Variants in MCTP1 observed in about 807,000 individuals in gnomAD.
MCTP1 encodes multiple C2 and transmembrane domain containing 1.
A neutral mutation model predicts 120.6 loss-of-function variants in MCTP1; 69 were observed. That is an observed-to-expected ratio of 0.57 (90% CI 0.47 to 0.70). The LOEUF is 0.70. MCTP1 is among the 30% of genes least tolerant of loss of function. MCTP1 has a pLI of 0.00. For missense variants in MCTP1, 1,203 were observed against 1,248.8 expected (o/e 0.96, Z 0.55); for synonymous variants, 529 against 493.1 (o/e 1.07, Z -0.96).
At chr5:94,824,587 CT>C (rs1215095465) in intron 17 of MCTP1, among the ~76,000 whole-genome samples, 1 of 152,030 alleles carries the variant, frequency 6.6e-6, no homozygotes, top group Non-Finnish European at 1.5e-5. Context: ...TTTTCTATTG[CT>C]TGGAATAGTT....
At chr5:94,971,560 TA>T (rs1270541526) in intron 2 of MCTP1, among the ~76,000 whole-genome samples, 1 of 152,214 alleles carries the variant, frequency 6.6e-6, no homozygotes, top group African/African-American at 2.4e-5. Flanking sequence ...GATGCTTCTA[TA>T]ATCTGTTTAT....
rs76219618 is a variant in MCTP1, at chr5:95,053,107, C to T, written c.721-35623G>A. The stretch of plus-strand genomic sequence containing the variant: ...ACAAAATGATACACTGGTAAATGTT[C>T]CATATTTTTACATGAAAATCAAGGA... On this transcript the variant is annotated intron_variant, in intron 1 of 22. Transcript: ENST00000515393. Among the ~76,000 whole-genome samples, 878 of 152,216 alleles carry T rather than the reference C, an allele frequency of 5.8e-3. 11 individuals are homozygous for T. Among genetic ancestry groups the T allele is most frequent in the African/African-American group, 0.021 (855 of 41,520 alleles).
chr5:95,204,030 G>C (rs1406619429), intron 1 of MCTP1, among the ~76,000 whole-genome samples: 1 of 152,130 alleles, frequency 6.6e-6, no homozygotes, highest in African/African-American at 2.4e-5. Context: ...TAAATTCACT[G>C]AGTTTTTGTG....
chr5:94,901,949 G>A (rs530936193), intron 10 of MCTP1, among the ~76,000 whole-genome samples: 1 of 152,256 alleles, frequency 6.6e-6, no homozygotes, highest in South Asian at 2.1e-4. Context: ...CATGAACACA[G>A]GTGGCTCATA....
rs1398923284 is a variant in MCTP1, at chr5:95,098,702, T to G, written c.721-81218A>C. On this transcript the variant is annotated intron_variant, in intron 1 of 22. Transcript: ENST00000515393. ...GTGAAAATGGCCATACTGCCCAAGGTAATTTATAGATTCAATGCCATCCCC... is the reference window on the plus strand; with the variant it reads ...GTGAAAATGGCCATACTGCCCAAGGGAATTTATAGATTCAATGCCATCCCC... 3.3e-5 allele frequency among the ~76,000 whole-genome samples: 5 copies of G among 151,808 alleles called. No homozygotes were observed. In the South Asian group the frequency reaches 8.3e-4, roughly 25 times the overall value.
In MCTP1 at chr5:94,788,070, G is replaced by A. The variant is rs191366728; in HGVS notation, c.2557-8907C>T. On this transcript the variant is annotated intron_variant, in intron 18 of 22. Coordinates refer to ENST00000515393, the MANE Select transcript of MCTP1 (RefSeq NM_024717.7). ...CAGCGGTAACTCTTATCTTAAAGGT[G>A]TTTTTGCTGTTGCCTATGGGAGTAT... Among the ~76,000 whole-genome samples the A allele has an allele frequency of 3.3e-5, 5 of 152,306 alleles. No individual in the cohort carries two copies. The East Asian group carries it at 9.6e-4, about 29-fold the overall frequency.
intron 10 of MCTP1, among the ~76,000 whole-genome samples, chr5:94,904,030 C>T (rs1806172906): frequency 6.6e-6 from 1 of 152,186 alleles, no homozygotes; most frequent in Non-Finnish European, 1.5e-5. Flanking sequence ...TCCGTCTTGC[C>T]TGCCAAAATG....
At chr5:94,811,866 C>T (rs531778202) in intron 17 of MCTP1, among the ~76,000 whole-genome samples, 2 of 152,234 alleles carry the variant, frequency 1.3e-5, no homozygotes, top group Admixed American at 6.5e-5. Flanking sequence ...TAAAAGAAGG[C>T]CATTTCATTT....
chr5:94,994,995 C>T (rs1358217664), intron 2 of MCTP1, among the ~76,000 whole-genome samples: 1 of 152,204 alleles, frequency 6.6e-6, no homozygotes, highest in African/African-American at 2.4e-5. Context: ...GCACTATCGG[C>T]TTCCTACTTT....
chr5:95,101,525 G>T (rs1242762047), intron 1 of MCTP1, among the ~76,000 whole-genome samples: 2 of 152,226 alleles, frequency 1.3e-5, no homozygotes, highest in African/African-American at 4.8e-5. Flanking sequence ...ACCAGAACCA[G>T]AAGTGTGAGT....
intron 1 of MCTP1, among the ~76,000 whole-genome samples, chr5:95,160,314 G>T (rs1745579475): frequency 6.6e-6 from 1 of 152,308 alleles, no homozygotes; most frequent in Admixed American, 6.5e-5. Flanking sequence ...GAGTAAAGTT[G>T]ACTTGTCCAG....
chr5:94,810,783 T>C (rs913081202), intron 17 of MCTP1, among the ~76,000 whole-genome samples: 1 of 152,216 alleles, frequency 6.6e-6, no homozygotes. Flanking sequence ...ATCACGACTA[T>C]CTTCCCTGGG....
chr5:95,027,499 A>G (rs1199464518), intron 1 of MCTP1, among the ~76,000 whole-genome samples: 1 of 152,224 alleles, frequency 6.6e-6, no homozygotes, highest in Non-Finnish European at 1.5e-5. Flanking sequence ...AGAGGCCAGA[A>G]GGCCACGTGT....
intron 1 of MCTP1, among the ~76,000 whole-genome samples, chr5:95,088,281 C>T (rs1233188002): frequency 6.6e-6 from 1 of 152,194 alleles, no homozygotes; most frequent in African/African-American, 2.4e-5. Context: ...CACTTACTCT[C>T]ACTCTAACCC....
Position 94,704,545 on chromosome 5 carries a change from C to CTGAGT in MCTP1, c.*2946_*2950dup, listed in dbSNP as rs1485718476. ...GTGGTCCCTAGATAAGCATTTACTT[C>CTGAGT]TGAGTTTTTCTTCACTTTTAAATGC... is the stretch of plus-strand genomic sequence containing the variant. On this transcript the variant is annotated 3_prime_UTR_variant, in exon 23 of 23. Transcript: ENST00000515393. 5 of 150,294 alleles carry CTGAGT rather than the reference C, an allele frequency of 3.3e-5. No individual in the cohort carries two copies. Among genetic ancestry groups the CTGAGT allele is most frequent in the African/African-American group, 1.2e-4 (5 of 40,386 alleles). The allele number at this position is 150,294 out of a possible 1,614,324, so 9.3% of individuals were successfully genotyped here.
At chr5:94,969,767 G>C (rs1428267154) in intron 2 of MCTP1, among the ~76,000 whole-genome samples, 1 of 152,044 alleles carries the variant, frequency 6.6e-6, no homozygotes, top group Admixed American at 6.6e-5. Flanking sequence ...TGTAGAATAA[G>C]GTCCTTCACA....
chr5:94,972,983 G>A (rs905261160), intron 2 of MCTP1, among the ~76,000 whole-genome samples: 4 of 152,016 alleles, frequency 2.6e-5, no homozygotes, highest in African/African-American at 4.8e-5. Context: ...ACTTTCTTGA[G>A]TATCTACTGT....
intron 1 of MCTP1, among the ~76,000 whole-genome samples, chr5:95,172,825 AC>A (rs1747495056): frequency 6.6e-6 from 1 of 152,186 alleles, no homozygotes; most frequent in Non-Finnish European, 1.5e-5. Flanking sequence ...GGGCAGTGTT[AC>A]CATAGGTCAA....
chr5:95,035,853 C>T (rs1305769937), intron 1 of MCTP1, among the ~76,000 whole-genome samples: 1 of 151,976 alleles, frequency 6.6e-6, no homozygotes, highest in Non-Finnish European at 1.5e-5. Context: ...TATAGTACTG[C>T]TAATGTTCAT....
Sources: gnomAD v4.1 joint callset for allele counts (sites outside exome capture counted in the v4.1 genomes callset) on GRCh38, gnomAD v4.1.1 for gene constraint, MANE v1.5 for transcripts, NCBI Gene and HGNC (gene_info 2026-07-23, HGNC 2026-07-21) for gene names.